PARD3: variants seen among roughly 807,000 people sequenced by gnomAD.
PARD3 encodes par-3 family cell polarity regulator, also known as partitioning defective 3 homolog.
Under a neutral mutation model 155.4 loss-of-function variants are expected in PARD3, and 75 were observed. The observed-to-expected ratio is 0.48, with a 90% CI of 0.40 to 0.58. The LOEUF is 0.58. PARD3 is among the 20% of genes least tolerant of loss of function. The pLI is 0.00. For synonymous variants in PARD3, 576 were observed against 610.5 expected (o/e 0.94, Z 0.83); for missense variants, 1,642 against 1,721.7 (o/e 0.95, Z 0.82).
intron 5 of PARD3, among the ~76,000 whole-genome samples, chr10:34,409,750 T>G (rs1844863808): frequency 6.6e-6 from 1 of 152,228 alleles, no homozygotes; most frequent in South Asian, 2.1e-4. Context: ...AGAGTAACAC[T>G]TATTTTTCTT....
intron 2 of PARD3, among the ~76,000 whole-genome samples, chr10:34,522,375 C>A (rs1384480609): frequency 6.6e-6 from 1 of 152,020 alleles, no homozygotes; most frequent in Non-Finnish European, 1.5e-5. Context: ...GCATTCTGAC[C>A]CATGTCAGCC....
chr10:34,769,799 C>CAAAAAAAAA lies in PARD3; in HGVS notation c.120+45076_120+45077insTTTTTTTTT, dbSNP rs372925164. 4.5e-4 allele frequency among the ~76,000 whole-genome samples: 30 copies of CAAAAAAAAA among 66,436 alleles called. 1 individual carries two copies. The highest frequency in any genetic ancestry group is 1.9e-3 in the East Asian group (7 of 3,718). The allele number at this position is 66,436 out of a possible 152,430, so 43.6% of individuals were successfully genotyped here. Reference sequence around the variant, plus strand: ...ACAAACAAACAAACGAACAAAAAAACAAAACAAAAAAAAAAACAAGAAAAC... The same window carrying CAAAAAAAAA: ...ACAAACAAACAAACGAACAAAAAAACAAAAAAAAAAAAACAAAAAAAAAAACAAGAAAAC... On this transcript the variant is annotated intron_variant, in intron 1 of 24. Coordinates refer to ENST00000374788, the MANE Select transcript of PARD3 (RefSeq NM_001184785.2).
At chr10:34,364,691 C>A (rs1227960417) in intron 12 of PARD3, among the ~76,000 whole-genome samples, 1 of 152,168 alleles carries the variant, frequency 6.6e-6, no homozygotes, top group African/African-American at 2.4e-5. Context: ...ACCTTGGCCT[C>A]CCAATATGCT....
chr10:34,401,579 T>C (rs1843887133), intron 6 of PARD3, among the ~76,000 whole-genome samples: 1 of 152,184 alleles, frequency 6.6e-6, no homozygotes, highest in Non-Finnish European at 1.5e-5. Context: ...TATTTTATAT[T>C]ATAATTCAAT....
At chr10:34,334,346 C>CAAA (rs34205005) in intron 18 of PARD3, among the ~76,000 whole-genome samples, 16 of 95,082 alleles carry the variant, frequency 1.7e-4, no homozygotes, top group Non-Finnish European at 2.8e-4. Flanking sequence ...TCCCTCTTGC[C>CAAA]AAAAAAAAAA....
At chr10:34,619,491 C>T (rs1449256766) in intron 2 of PARD3, among the ~76,000 whole-genome samples, 1 of 152,150 alleles carries the variant, frequency 6.6e-6, no homozygotes, top group Non-Finnish European at 1.5e-5. Flanking sequence ...GAATAAATAG[C>T]TTAAATATCC....
chr10:34,280,975 G>C (rs1171169929), intron 21 of PARD3, among the ~76,000 whole-genome samples: 1 of 152,152 alleles, frequency 6.6e-6, no homozygotes, highest in African/African-American at 2.4e-5. Flanking sequence ...CTCTGCTGCT[G>C]AACACTGGGC....
chr10:34,465,042 C>A (rs1042513632), intron 4 of PARD3, among the ~76,000 whole-genome samples: 5 of 152,130 alleles, frequency 3.3e-5, no homozygotes, highest in Non-Finnish European at 5.9e-5. Context: ...TTTAAATGAT[C>A]TCTAGATGAC....
At chr10:34,708,416 A>G (rs182580990) in intron 1 of PARD3, among the ~76,000 whole-genome samples, 263 of 152,338 alleles carry the variant, frequency 1.7e-3, no homozygotes, top group South Asian at 8.9e-3. Context: ...GGAATGATAC[A>G]TTGGTAAGTT....
chr10:34,713,311 G>T (rs766471435), intron 1 of PARD3, among the ~76,000 whole-genome samples: 1 of 151,668 alleles, frequency 6.6e-6, no homozygotes, highest in African/African-American at 2.4e-5. Context: ...AAAAAAAAAT[G>T]GAATAGTGAA....
intron 2 of PARD3, among the ~76,000 whole-genome samples, chr10:34,647,067 C>CTA (rs1359445175): frequency 6.6e-6 from 1 of 152,196 alleles, no homozygotes; most frequent in Non-Finnish European, 1.5e-5. Context: ...GCTTTATTAA[C>CTA]TACTCATTCA....
At chr10:34,554,820 C>T (rs1362516056) in intron 2 of PARD3, among the ~76,000 whole-genome samples, 2 of 152,126 alleles carry the variant, frequency 1.3e-5, no homozygotes, top group Non-Finnish European at 2.9e-5. Context: ...CAACTTTTCA[C>T]AATGAGACAA....
chr10:34,119,607 T>C lies in PARD3; in HGVS notation c.3668+6A>G. 6.3e-7 allele frequency: 1 copy of C among 1,595,800 alleles called. No individual in the cohort carries two copies. The highest frequency in any genetic ancestry group is 8.6e-7 in the Non-Finnish European group (1 of 1,167,702). ...GATCTGGAGGCTCGGCCAAGCGTCC[T>C]CATACCGAGGCAGAGAGCTGTACTG... On this transcript the variant is annotated splice_donor_region_variant and intron_variant, in intron 24 of 24. Transcript: ENST00000374788.
In PARD3 at chr10:34,140,117, G is replaced by GT. The variant is rs1230909886; in HGVS notation, c.3420-8535dup. On this transcript the variant is annotated intron_variant, in intron 22 of 24. Transcript: ENST00000374788. ...TTGTCATTTGCTTTTGTTTTTCGTT[G>GT]TTTTTTTTTTAGAATATTTTTCTCC... 4.0e-3 allele frequency among the ~76,000 whole-genome samples: 592 copies of GT among 147,748 alleles called. 1 individual carries two copies. The highest frequency in any genetic ancestry group is 0.012 in the African/African-American group (495 of 40,314).
At chr10:34,490,057 ACT>A (rs1344613988) in intron 3 of PARD3, among the ~76,000 whole-genome samples, 2 of 152,040 alleles carry the variant, frequency 1.3e-5, no homozygotes, top group African/African-American at 2.4e-5. Context: ...TGAAAGAAAG[ACT>A]CTCTGGTTTA....
At chr10:34,555,121 G>A (rs2084884723) in intron 2 of PARD3, among the ~76,000 whole-genome samples, 1 of 152,206 alleles carries the variant, frequency 6.6e-6, no homozygotes, top group South Asian at 2.1e-4. Flanking sequence ...GACTCTGGGT[G>A]ATGATGATGT....
At chr10:34,805,064 C>T (rs2134368313) in intron 1 of PARD3, among the ~76,000 whole-genome samples, 1 of 152,222 alleles carries the variant, frequency 6.6e-6, no homozygotes, top group African/African-American at 2.4e-5. Flanking sequence ...GTACAATCAA[C>T]AAAAAGGGAA....
chr10:34,470,461 G>A (rs1295363026), intron 3 of PARD3, among the ~76,000 whole-genome samples, 198 bp from the exon 4 acceptor site: 2 of 152,166 alleles, frequency 1.3e-5, no homozygotes, highest in Admixed American at 1.3e-4. Flanking sequence ...GCGGTCAAGT[G>A]TCGGCTCCGA....
chr10:34,534,029 T>C (rs995251904), intron 2 of PARD3, among the ~76,000 whole-genome samples: 3 of 152,078 alleles, frequency 2.0e-5, no homozygotes, highest in African/African-American at 4.8e-5. Flanking sequence ...AATTTCCACA[T>C]AGCCAACGGG....
Sources: allele counts gnomAD v4.1 joint callset (sites outside exome capture counted in the v4.1 genomes callset), GRCh38; gene constraint gnomAD v4.1.1; transcripts MANE v1.5; gene names NCBI Gene and HGNC (gene_info 2026-07-23, HGNC 2026-07-21).